The following MTERF4 variants were observed in gnomAD, a reference collection of about 807,000 sequenced individuals.
The protein encoded by MTERF4 is mitochondrial transcription termination factor 4.
In MTERF4, 17 loss-of-function variants were observed where a neutral mutation model predicts 22.5. The ratio of observed to expected loss-of-function variants is 0.75; its 90% CI spans 0.52 to 1.13. The LOEUF is 1.13. MTERF4 is among the 50% of genes most tolerant of loss of function. The probability of loss-of-function intolerance (pLI) is 0.00; values close to 1 mark genes in which losing one functional copy is unlikely to be tolerated. For synonymous variants in MTERF4, 165 were observed against 175.3 expected, an observed-to-expected ratio of 0.94 and a Z score of 0.47; for missense variants, 420 against 466.8, an observed-to-expected ratio of 0.90 and a Z score of 0.92.
downstream of MTERF4, chr2:241,087,637 G>A: frequency 7.0e-6 from 10 of 1,437,256 alleles, no homozygotes; most frequent in South Asian, 1.5e-4. Flanking sequence ...CTACGAAACT[G>A]TATGTCCATA....
chr2:241,049,767 G>A, the MTERF4 span: 16 of 1,453,774 alleles, frequency 1.1e-5, no homozygotes, highest in South Asian at 2.3e-5. Context: ...CTTGCCGCCC[G>A]CACAGATGCG....
chr2:241,062,820 C>T, the MTERF4 span: 1 of 1,611,824 alleles, frequency 6.2e-7, no homozygotes, highest in Non-Finnish European at 8.5e-7. Flanking sequence ...TCAGCCGTGC[C>T]TGCATGGGGG....
chr2:241,044,337 T>C, the MTERF4 span, among the ~76,000 whole-genome samples: 137 of 152,272 alleles, frequency 9.0e-4, 2 homozygotes, highest in Admixed American at 8.7e-3. Context: ...CACAGGTAAT[T>C]GTAAAGTAAT....
intron 4 of MTERF4, among the ~76,000 whole-genome samples, chr2:241,077,516 C>G (rs1467397419): frequency 6.6e-6 from 1 of 152,104 alleles, no homozygotes; most frequent in African/African-American, 2.4e-5. Flanking sequence ...GCAAATCATA[C>G]CTGATCAGAG....
At position 241,099,637 on chromosome 2, in the gene MTERF4, C is replaced by G; in HGVS notation, c.279G>C (p.Glu93Asp). The part of the protein sequence containing the change: ...TPVVQGSLEL[E>D]RVMSSLLDMG... ...TGTCCAGGAGGGAACTCATGACCCT[C>G]TCTAGCTCCAAGGACCCTTGTACCA... The change falls in exon 2 of 4, where the codon GAG becomes GAC. Residue 93 changes from glutamate (E) to aspartate (D), a missense_variant. By Grantham distance (45) the Glu-to-Asp change is conservative. Coordinates refer to ENST00000391980, the MANE Select transcript of MTERF4 (RefSeq NM_182501.4). 6.2e-7 allele frequency: 1 copy of G among 1,614,228 alleles called. No individual in the cohort carries two copies. The highest frequency in any genetic ancestry group is 1.1e-5 in the South Asian group (1 of 91,090).
At chr2:241,052,297 C>G in the MTERF4 span, 1 of 1,491,226 alleles carries the variant, frequency 6.7e-7, no homozygotes, top group Non-Finnish European at 9.2e-7. Flanking sequence ...GGATGCCCCA[C>G]ACAGTCCCGA....
At chr2:241,048,200 C>G in the MTERF4 span, 1 of 1,261,796 alleles carries the variant, frequency 7.9e-7, no homozygotes, top group Non-Finnish European at 1.1e-6. Context: ...GGCTTAAATT[C>G]CACTTGGGAA....
chr2:241,053,595 A>G, the MTERF4 span, among the ~76,000 whole-genome samples: 2 of 152,016 alleles, frequency 1.3e-5, no homozygotes, highest in African/African-American at 2.4e-5. Flanking sequence ...CCAAATACCC[A>G]CTCTGCAGAT....
At chr2:241,066,224 G>A in the MTERF4 span, among the ~76,000 whole-genome samples, 1 of 152,268 alleles carries the variant, frequency 6.6e-6, no homozygotes, top group Admixed American at 6.5e-5. Flanking sequence ...TGCAGGGGAG[G>A]CCCGGGTTGT....
the MTERF4 span, among the ~76,000 whole-genome samples, chr2:241,047,106 C>T: frequency 1.4e-5 from 2 of 143,450 alleles, no homozygotes; most frequent in African/African-American, 5.2e-5. Context: ...GATCGCGCCA[C>T]TGCACTGCAC....
In MTERF4 at chr2:241,073,382, G is replaced by C; in HGVS notation, n.2780C>G. The C allele has an allele frequency of 6.4e-7, 1 of 1,550,950 alleles. No homozygotes were observed. Among genetic ancestry groups the C allele is most frequent in the South Asian group, 1.2e-5 (1 of 84,148 alleles). On this transcript the variant is annotated non_coding_transcript_exon_variant, in exon 5 of 5. Coordinates refer to the MTERF4 transcript ENST00000464344. The surrounding 1 kb of genome is among the most constrained non-coding windows in gnomAD (Gnocchi z 6.6). ...CATCGGAAGTGAGTCAGCAGCGCTG[G>C]TGGGGACTTTGGGACTGACTGACTG...
At chr2:241,090,167 T>C, downstream of MTERF4, 1 of 1,460,456 alleles carries the variant, frequency 6.8e-7, no homozygotes, top group Non-Finnish European at 9.1e-7. Context: ...ATGTTCAAAA[T>C]TGTTTTCTGT....
Position 241,097,325 on chromosome 2 carries a change from G to A in MTERF4, c.623C>T (p.Thr208Met), listed in dbSNP as rs140705093. Residue 208 changes from threonine (T) to methionine (M), a missense_variant, in exon 3 of 4, where the codon ACG (threonine) becomes ATG (methionine). Transcript: ENST00000391980. The part of the protein sequence containing the change: ...VRLLKEKCLF[T>M]VQQVTKILHS... ...CAAAATCTTGGTGACTTGCTGTACC[G>A]TGAAAAGGCACTTCTCCTTGAGAAG... 6.1e-5 allele frequency: 99 copies of A among 1,614,086 alleles called. No homozygotes were observed. The highest frequency in any genetic ancestry group is 5.4e-5 in the Non-Finnish European group (64 of 1,180,048).
the MTERF4 span, among the ~76,000 whole-genome samples, chr2:241,043,923 T>A: frequency 6.6e-6 from 1 of 152,144 alleles, no homozygotes; most frequent in South Asian, 2.1e-4. Context: ...CCAACTCCAA[T>A]GTAAAAGATA....
chr2:241,101,221 T>C (rs530957670), intron 1 of MTERF4: 1 of 466,040 alleles, frequency 2.1e-6, no homozygotes, highest in Non-Finnish European at 4.5e-6. Flanking sequence ...GGAGGTGCCA[T>C]CTGGGGTTGA....
the MTERF4 span, among the ~76,000 whole-genome samples, chr2:241,047,002 G>T: frequency 1.3e-5 from 2 of 151,924 alleles, no homozygotes; most frequent in Non-Finnish European, 2.9e-5. Context: ...AATTAGCTGG[G>T]TGTGGTAGCA....
chr2:241,049,233 C>T, the MTERF4 span: 1 of 873,632 alleles, frequency 1.1e-6, no homozygotes, highest in South Asian at 1.5e-5. Flanking sequence ...GTCCCTACTT[C>T]CCTTCTGACT....
chr2:241,055,788 T>C, the MTERF4 span, among the ~76,000 whole-genome samples: 1 of 152,208 alleles, frequency 6.6e-6, no homozygotes, highest in Non-Finnish European at 1.5e-5. Flanking sequence ...AAAGCAGAGA[T>C]AGATTTCATA....
At chr2:241,099,052 C>T (rs2064583108) in intron 2 of MTERF4, 1 of 208,620 alleles carries the variant, frequency 4.8e-6, no homozygotes, top group African/African-American at 2.4e-5. Flanking sequence ...TCTTTCCCCA[C>T]CTCTGGCTCC....
Sources: gnomAD v4.1 joint callset for allele counts (sites outside exome capture counted in the v4.1 genomes callset) on GRCh38, gnomAD v4.1.1 for gene constraint, Gnocchi (gnomAD v3.1) non-coding constraint, MANE v1.5 for transcripts, NCBI Gene and HGNC (gene_info 2026-07-23, HGNC 2026-07-21) for gene names.